The following PKD1 variants were observed in gnomAD, a reference collection of about 807,000 sequenced individuals.
The protein encoded by PKD1 is polycystin 1, transient receptor potential channel interacting.
In PKD1, 81 loss-of-function variants were observed where a neutral mutation model predicts 361.7. That is an observed-to-expected ratio of 0.22 (90% CI 0.19 to 0.27). The LOEUF is 0.27. Among genes scored for constraint, PKD1 ranks in the 10% least tolerant of loss-of-function variants. The pLI is 1.00. For synonymous variants in PKD1, 3,615 were observed against 2,818.3 expected, an observed-to-expected ratio of 1.28 and a Z score of -8.95; for missense variants, 6,399 against 6,118.3, an observed-to-expected ratio of 1.05 and a Z score of -1.53.
chr16:2,130,078 CTTGTCCACATTT>C (rs1227395542), intron 1 of PKD1, among the ~76,000 whole-genome samples: 3 of 152,226 alleles, frequency 2.0e-5, no homozygotes, highest in Non-Finnish European at 4.4e-5. Context: ...CGTGTGACTT[CTTGTCCACATTT>C]TTGTCCACAA....
chr16:2,130,257 C>G (rs968003020), intron 1 of PKD1, among the ~76,000 whole-genome samples: 1 of 152,170 alleles, frequency 6.6e-6, no homozygotes, highest in Non-Finnish European at 1.5e-5. Context: ...CCACTGCCTC[C>G]GCTCGGCTGC....
In PKD1 at chr16:2,097,518, G is replaced by T. The variant is rs1022652560; in HGVS notation, c.10221-15C>A. ...AGCACACCAGACTGCAGGTGGCGCGGGTCAGCAAGGTACCAGGGGATGTGT... is the reference window on the plus strand; with the variant it reads ...AGCACACCAGACTGCAGGTGGCGCGTGTCAGCAAGGTACCAGGGGATGTGT... On this transcript the variant is annotated splice_polypyrimidine_tract_variant and intron_variant, in intron 32 of 45. Transcript: ENST00000262304. The T allele has an allele frequency of 6.2e-7, 1 of 1,601,480 alleles. No homozygotes were observed. Among genetic ancestry groups the T allele is most frequent in the South Asian group, 1.1e-5 (1 of 90,994 alleles).
intron 1 of PKD1, among the ~76,000 whole-genome samples, chr16:2,121,836 AG>A (rs2092726019): frequency 6.6e-6 from 1 of 152,074 alleles, no homozygotes; most frequent in Non-Finnish European, 1.5e-5. Context: ...CTACTTCCCC[AG>A]GTGTCACCCT....
intron 14 of PKD1, 59 bp from the exon 15 acceptor site, chr16:2,111,930 C>T (rs569675963): frequency 1.2e-5 from 19 of 1,583,574 alleles, no homozygotes; most frequent in South Asian, 4.5e-5. Context: ...CCCACCCGCT[C>T]GGCAGAAGCC....
At chr16:2,104,351 G>A in intron 22 of PKD1, 147 bp downstream of exon 22, 2 of 532,874 alleles carry the variant, frequency 3.8e-6, no homozygotes, top group South Asian at 3.8e-5. Context: ...AATGGGAATT[G>A]GGGGAGGGGG....
intron 34 of PKD1, among the ~76,000 whole-genome samples, chr16:2,095,884 A>C (rs1419806280): frequency 6.6e-6 from 1 of 152,090 alleles, no homozygotes; most frequent in African/African-American, 2.4e-5. Context: ...GTCAGCATGT[A>C]GTGACTACCC....
At position 2,092,193 on chromosome 16, in the gene PKD1, AAC is replaced by A. The variant is rs1346536582; in HGVS notation, c.11270-7_11270-6del. 13 of 1,594,634 alleles carry A rather than the reference AAC, an allele frequency of 8.2e-6. No homozygotes were observed. Among genetic ancestry groups the A allele is most frequent in the African/African-American group, 2.7e-5 (2 of 74,242 alleles). ...CGGGAGGGTCTGGGTAGAGTGCTGA[AAC>A]ACACAGAGCCCCAGGCCGGGGCCAG... On this transcript the variant is annotated splice_region_variant and splice_polypyrimidine_tract_variant and intron_variant, in intron 39 of 45. Transcript: ENST00000262304.
At position 2,097,399 on chromosome 16, in the gene PKD1, G is replaced by T. The variant is rs144593342; in HGVS notation, c.10325C>A (p.Ala3442Glu). 1.2e-6 allele frequency: 2 copies of T among 1,610,170 alleles called. No homozygotes were observed. Among genetic ancestry groups the T allele is most frequent in the Admixed American group, 1.7e-5 (1 of 59,952 alleles). ...SNLRQLARGQ[A>E]GHGLGPEEDG... ...CTCCTCTGGGCCCAGCCCATGGCCCGCCTGGCCCCGTGCCAGCTGCCGCAG... is the reference window on the plus strand; with the variant it reads ...CTCCTCTGGGCCCAGCCCATGGCCCTCCTGGCCCCGTGCCAGCTGCCGCAG... The change falls in exon 33 of 46, where the codon GCG becomes GAG. Residue 3442 changes from alanine (A) to glutamate (E), a missense_variant. By Grantham distance (107) the Ala-to-Glu change is moderately radical. Transcript: ENST00000262304.
intron 14 of PKD1, among the ~76,000 whole-genome samples, 185 bp from the exon 15 acceptor site, chr16:2,112,056 G>A (rs968190603): frequency 9.2e-5 from 14 of 152,352 alleles, no homozygotes; most frequent in African/African-American, 2.6e-4. Flanking sequence ...AGGGCTGCCT[G>A]GCGAGGACGG....
intron 11 of PKD1, chr16:2,113,854 G>A (rs1464458961): frequency 6.3e-6 from 3 of 472,504 alleles, no homozygotes; most frequent in East Asian, 4.0e-5. Context: ...ACTCGCTTTA[G>A]CCAGGCGAGA....
At chr16:2,101,284 G>T (rs928601447) in intron 26 of PKD1, among the ~76,000 whole-genome samples, 4 of 152,042 alleles carry the variant, frequency 2.6e-5, no homozygotes, top group African/African-American at 9.7e-5. Flanking sequence ...GCGCCCGGCC[G>T]ACAGTTTTTA....
rs1226890686 is a variant in PKD1, at chr16:2,100,989, TTTTC to T, written c.9398-427_9398-424del. On this transcript the variant is annotated intron_variant, in intron 26 of 45. Coordinates refer to ENST00000262304, the MANE Select transcript of PKD1 (RefSeq NM_001009944.3). This position sits in a 1 kb window ranked among gnomAD's most constrained non-coding sequence, Gnocchi z 4.4. The stretch of plus-strand genomic sequence containing the variant: ...TGACAGACCCAGGTGACAGTATTTT[TTTTC>T]TTTTTTTTTTGAGATGGAGTCTTGC... Among the ~76,000 whole-genome samples, 18 of 152,056 alleles carry T rather than the reference TTTTC, an allele frequency of 1.2e-4. No homozygotes were observed. Among genetic ancestry groups the T allele is most frequent in the Middle Eastern group, 3.4e-3 (1 of 294 alleles).
intron 34 of PKD1, chr16:2,096,813 G>A (rs961797667): frequency 3.0e-5 from 11 of 366,414 alleles, no homozygotes; most frequent in East Asian, 5.8e-5. Context: ...CACCGCGCCC[G>A]GCCAAAAATG....
chr16:2,117,508 G>A lies in PKD1; in HGVS notation c.1366C>T (p.Leu456=), dbSNP rs1567216303. 1.9e-6 allele frequency: 3 copies of A among 1,568,740 alleles called. No individual in the cohort carries two copies. The highest frequency in any genetic ancestry group is 1.2e-5 in the South Asian group (1 of 86,684). Residue 456 remains leucine (L), a synonymous_variant, in exon 6 of 46, where the codon CTG becomes TTG. Transcript: ENST00000262304. The part of the protein sequence containing the change: ...MVDSPAVQRF[L]VSRVTRSLDV... ...AGGCACCTGGTGACCCGGGAGACCA[G>A]GAAGCGCTGCACGGCGGGACTGTCC...
intron 15 of PKD1, 104 bp downstream of exon 15, chr16:2,108,148 C>T (rs2151784841): frequency 6.8e-7 from 1 of 1,467,072 alleles, no homozygotes; most frequent in East Asian, 2.3e-5. Flanking sequence ...CGGGGCCCAC[C>T]AGGCACTGAG....
At chr16:2,107,530 G>C (rs530915393) in intron 16 of PKD1, 3 of 415,332 alleles carry the variant, frequency 7.2e-6, no homozygotes, top group South Asian at 4.3e-5. Context: ...GGCCGGTCCA[G>C]AGAGGGGAGC....
At position 2,114,760 on chromosome 16, in the gene PKD1, G is replaced by A; in HGVS notation, c.2263C>T (p.Pro755Ser). 4 of 1,427,732 alleles carry A rather than the reference G, an allele frequency of 2.8e-6. No homozygotes were observed. In the South Asian group the frequency reaches 4.9e-5, roughly 17 times the overall value. The allele number at this position is 1,427,732 out of a possible 1,614,324, so 88.4% of individuals were successfully genotyped here. A position where few individuals can be genotyped will look rare whatever the true frequency, so the allele number is the denominator to read the frequency against. ...GCCCAAGTGCCCTCCAGCTGGGCTG[G>A]CAAGTGGGGCAGCCATGACGAGGCG... ...ANASSWLPHL[P>S]AQLEGTWACP... is the part of the protein sequence containing the mutation. Residue 755 changes from proline to serine, a missense_variant, in exon 11 of 46, where the codon CCA becomes TCA. Transcript: ENST00000262304.
chr16:2,123,380 G>C (rs1459478943), intron 1 of PKD1: 3 of 435,102 alleles, frequency 6.9e-6, no homozygotes, highest in Non-Finnish European at 1.4e-5. Context: ...GTGCCCCCTG[G>C]GTGTGGAAGC....
At chr16:2,095,619 GT>G (rs1406535963) in intron 34 of PKD1, among the ~76,000 whole-genome samples, 2 of 152,198 alleles carry the variant, frequency 1.3e-5, no homozygotes, top group Non-Finnish European at 2.9e-5. Context: ...CGTGCTCTGC[GT>G]TGGGAAAGGA....
Sources: allele counts gnomAD v4.1 joint callset (sites outside exome capture counted in the v4.1 genomes callset), GRCh38; gene constraint gnomAD v4.1.1; non-coding constraint Gnocchi (gnomAD v3.1); transcripts MANE v1.5; gene names NCBI Gene and HGNC (gene_info 2026-07-23, HGNC 2026-07-21).